Variants in CCNT2 observed in about 807,000 individuals in gnomAD.
CCNT2 encodes cyclin-T2.
A neutral mutation model predicts 70.0 loss-of-function variants in CCNT2; 18 were observed. The observed-to-expected ratio is 0.26, with a 90% CI of 0.18 to 0.38. The LOEUF is 0.38. CCNT2 is among the 10% of genes least tolerant of loss of function. The probability of loss-of-function intolerance (pLI) is 1.00; values close to 1 mark genes in which losing one functional copy is unlikely to be tolerated. For synonymous variants in CCNT2, 334 were observed against 313.3 expected, an observed-to-expected ratio of 1.07 and a Z score of -0.70; for missense variants, 734 against 890.2, an observed-to-expected ratio of 0.82 and a Z score of 2.23.
intron 2 of CCNT2, among the ~76,000 whole-genome samples, chr2:134,923,880 A>G (rs757181221): frequency 5.9e-5 from 9 of 152,188 alleles, no homozygotes; most frequent in African/African-American, 1.9e-4. Flanking sequence ...CACAGTAGCA[A>G]TTTATGCCAG....
At chr2:134,929,527 G>A (rs1680565061) in intron 2 of CCNT2, among the ~76,000 whole-genome samples, 1 of 151,176 alleles carries the variant, frequency 6.6e-6, no homozygotes, top group Non-Finnish European at 1.5e-5. Context: ...AAAATCGCTT[G>A]AGCCCAGGAG....
intron 2 of CCNT2, among the ~76,000 whole-genome samples, chr2:134,934,954 G>C (rs891767145): frequency 6.6e-6 from 1 of 152,212 alleles, no homozygotes; most frequent in African/African-American, 2.4e-5. Context: ...GAAACTGAGA[G>C]TGTCTTCATT....
intron 2 of CCNT2, among the ~76,000 whole-genome samples, chr2:134,931,262 C>CTT (rs112471982): frequency 0.024 from 1,031 of 42,350 alleles, 70 homozygotes; most frequent in African/African-American, 0.071. Context: ...ATGCCCGGAT[C>CTT]TTTTTTTTTT....
At chr2:134,940,709 G>A (rs929104497) in intron 4 of CCNT2, among the ~76,000 whole-genome samples, 1 of 152,082 alleles carries the variant, frequency 6.6e-6, no homozygotes, top group African/African-American at 2.4e-5. Flanking sequence ...TACATATTGC[G>A]GTAAAAGAGG....
intron 7 of CCNT2, among the ~76,000 whole-genome samples, chr2:134,949,811 G>GGGGA (rs548269716): frequency 7.7e-6 from 1 of 130,674 alleles, no homozygotes; most frequent in African/African-American, 2.8e-5. Flanking sequence ...TCGGGGGGGG[G>GGGGA]GTGGGGGACA....
chr2:134,945,877 C>T (rs1175821252), intron 5 of CCNT2: 2 of 1,507,930 alleles, frequency 1.3e-6, no homozygotes, highest in Non-Finnish European at 1.8e-6. Flanking sequence ...AGCAAATCGG[C>T]TTGTTTCTCA....
chr2:134,930,465 G>A (rs548379778), intron 2 of CCNT2, among the ~76,000 whole-genome samples: 3 of 152,302 alleles, frequency 2.0e-5, no homozygotes, highest in Non-Finnish European at 4.4e-5. Flanking sequence ...GAACATTCAT[G>A]TACAAGTTTT....
At chr2:134,930,286 C>G (rs954011278) in intron 2 of CCNT2, among the ~76,000 whole-genome samples, 6 of 152,198 alleles carry the variant, frequency 3.9e-5, no homozygotes, top group Admixed American at 3.9e-4. Flanking sequence ...AAGGTCCGTT[C>G]ATGGTGTAGA....
rs1161857364 is a variant in CCNT2 at position 134,947,761 on chromosome 2, C to G, written c.565C>G (p.Gln189Glu). 2 of 1,515,286 alleles carry G rather than the reference C, an allele frequency of 1.3e-6. No homozygotes were observed. 93.9% of individuals were successfully genotyped at this position (1,515,286 alleles called of 1,614,324 possible). A position where few individuals can be genotyped will look rare whatever the true frequency, so the allele number is the denominator to read the frequency against. Residue 189 changes from glutamine (Q) to glutamate (E), a missense_variant, in exon 7 of 9, where the codon CAG becomes GAG. By Grantham distance (29) the Gln-to-Glu change is conservative. Transcript: ENST00000264157. ...TCTGCATCTTACAACCTTCTGTCTT[C>G]AGTACAAACCAACAGTGATAGCATG... ...NSLHLTTFCL[Q>E]YKPTVIACVC...
intron 2 of CCNT2, chr2:134,920,447 C>G (rs1439337116): frequency 6.6e-6 from 1 of 152,384 alleles, no homozygotes; most frequent in Admixed American, 6.5e-5. Context: ...CAAACGTCCA[C>G]TCTTGCTTCA....
In CCNT2 at chr2:134,953,904, A is replaced by T; in HGVS notation, c.1449A>T (p.Lys483Asn). Reference sequence around the variant, plus strand: ...GCAGTTCTGTTACTTCTCCCATTAAAATGAAAATACCTATCGCAAATACTG... The same window carrying T: ...GCAGTTCTGTTACTTCTCCCATTAATATGAAAATACCTATCGCAAATACTG... ...ASSSSVTSPI[K>N]MKIPIANTEK... Residue 483 changes from lysine (K) to asparagine (N), a missense_variant, in exon 9 of 9, where the codon AAA becomes AAT. Coordinates refer to ENST00000264157, the MANE Select transcript of CCNT2 (RefSeq NM_058241.3). The T allele has an allele frequency of 6.2e-7, 1 of 1,613,958 alleles. No homozygotes were observed. The highest frequency in any genetic ancestry group is 8.5e-7 in the Non-Finnish European group (1 of 1,179,982).
rs142981962 is a variant in CCNT2, at chr2:134,953,346, A to G, written c.891A>G (p.Thr297=). The change falls in exon 9 of 9, where the codon ACA becomes ACG. Residue 297 remains threonine (T), a synonymous_variant. Coordinates refer to ENST00000264157, the MANE Select transcript of CCNT2 (RefSeq NM_058241.3). Reference sequence around the variant, plus strand: ...TAGATAGTGTCACTGGTGTGCCTACAAACCCAAGTTTTCAGAAACCATCTA... The same window carrying G: ...TAGATAGTGTCACTGGTGTGCCTACGAACCCAAGTTTTCAGAAACCATCTA... ...ILVDSVTGVP[T]NPSFQKPSTS... 296 of 1,607,524 alleles carry G rather than the reference A, an allele frequency of 1.8e-4. No individual in the cohort carries two copies. The highest frequency in any genetic ancestry group is 2.4e-4 in the Non-Finnish European group (284 of 1,176,348).
chr2:134,946,384 T>G, intron 6 of CCNT2: 1 of 1,262,184 alleles, frequency 7.9e-7, no homozygotes, highest in Non-Finnish European at 1.0e-6. Context: ...GATTTGTGAG[T>G]GCATAAGTCT....
At chr2:134,931,604 A>G (rs990972223) in intron 2 of CCNT2, among the ~76,000 whole-genome samples, 4 of 152,054 alleles carry the variant, frequency 2.6e-5, no homozygotes, top group African/African-American at 9.7e-5. Context: ...AGAAGCTGGG[A>G]TTTTTATAGG....
chr2:134,944,446 ATTCT>A, intron 5 of CCNT2: 1 of 966,410 alleles, frequency 1.0e-6, no homozygotes, highest in Non-Finnish European at 1.2e-6. Context: ...TCAACTTTAA[ATTCT>A]TTATCAGAGA....
intron 7 of CCNT2, 94 bp from the exon 8 acceptor site, chr2:134,952,547 G>T: frequency 1.5e-6 from 1 of 653,642 alleles, no homozygotes; most frequent in Non-Finnish European, 2.6e-6. Flanking sequence ...TGAAGTAGAT[G>T]AACTCCTAGC....
At chr2:134,951,947 T>C (rs958935286) in intron 7 of CCNT2, among the ~76,000 whole-genome samples, 3 of 152,230 alleles carry the variant, frequency 2.0e-5, no homozygotes, top group African/African-American at 4.8e-5. Flanking sequence ...TCCTTGTCTT[T>C]CATAACACTG....
At chr2:134,937,326 CA>C (rs1273134720) in intron 3 of CCNT2, among the ~76,000 whole-genome samples, 2 of 152,168 alleles carry the variant, frequency 1.3e-5, no homozygotes, top group Non-Finnish European at 2.9e-5. Context: ...CTTAAATTGT[CA>C]ACAGATGAAG....
intron 6 of CCNT2, among the ~76,000 whole-genome samples, chr2:134,947,420 A>T (rs958156318): frequency 1.3e-5 from 2 of 152,226 alleles, no homozygotes; most frequent in East Asian, 3.8e-4. Flanking sequence ...AGTGTTATCT[A>T]TATAGTGATT....
Sources: gnomAD v4.1 joint callset for allele counts (sites outside exome capture counted in the v4.1 genomes callset) on GRCh38, gnomAD v4.1.1 for gene constraint, MANE v1.5 for transcripts, NCBI Gene and HGNC (gene_info 2026-07-23, HGNC 2026-07-21) for gene names.